Variants in OGT observed in about 807,000 individuals in gnomAD.
OGT encodes UDP-N-acetylglucosamine--peptide N-acetylglucosaminyltransferase 110 kDa subunit.
A neutral mutation model predicts 75.8 loss-of-function variants in OGT; 3 were observed. The observed-to-expected ratio is 0.04, with a 90% CI of 0.02 to 0.10. OGT has a LOEUF of 0.10. Among genes scored for constraint, OGT ranks in the 10% least tolerant of loss-of-function variants. The probability of loss-of-function intolerance (pLI) is 1.00; values close to 1 mark genes in which losing one functional copy is unlikely to be tolerated. For synonymous variants in OGT, 257 were observed against 289.7 expected, an observed-to-expected ratio of 0.89 and a Z score of 1.15; for missense variants, 260 against 824.4, an observed-to-expected ratio of 0.32 and a Z score of 8.38.
At chrX:71,543,666 A>G (rs1283070042) in intron 3 of OGT, among the ~76,000 whole-genome samples, 2 of 107,498 alleles carry the variant, frequency 1.9e-5, no homozygotes. Flanking sequence ...ACTCTGGAAA[A>G]TTTTCGGTCC....
Position 71,567,539 on chromosome X carries a change from C to G in OGT, c.2629C>G (p.Arg877Gly). 8.5e-7 allele frequency: 1 copy of G among 1,181,415 alleles called. No individual in the cohort carries two copies. The highest frequency in any genetic ancestry group is 1.1e-6 in the Non-Finnish European group (1 of 874,345). The change falls in exon 20 of 22, where the codon CGT becomes GGT. Residue 877 changes from arginine to glycine, a missense_variant. By Grantham distance (125) the Arg-to-Gly change is moderately radical. Coordinates refer to ENST00000373719, the MANE Select transcript of OGT (RefSeq NM_181672.3). ...TCCCAATAGTGTACTCTGGCTGTTG[C>G]GTTTTCCAGCAGTAGGAGAACCTAA... ...RVPNSVLWLL[R>G]FPAVGEPNIQ...
chrX:71,548,201 T>C (rs2040275501), intron 5 of OGT, among the ~76,000 whole-genome samples, 178 bp downstream of exon 5: 1 of 111,920 alleles, frequency 8.9e-6, no homozygotes, highest in East Asian at 2.8e-4. Flanking sequence ...AACTTGACAA[T>C]GGTGCAAAAG....
At chrX:71,533,911 G>A (rs1323216594) in intron 1 of OGT, among the ~76,000 whole-genome samples, 1 of 111,767 alleles carries the variant, frequency 8.9e-6, no homozygotes, top group Non-Finnish European at 1.9e-5. Flanking sequence ...AGGGGACATT[G>A]AGCAGCACCC....
chrX:71,538,192 T>A, intron 3 of OGT, 120 bp downstream of exon 3: 1 of 792,466 alleles, frequency 1.3e-6, no homozygotes, highest in Non-Finnish European at 1.8e-6. Flanking sequence ...TAGAAATGCG[T>A]ATGTACTTAA....
chrX:71,561,725 C>G lies in OGT; in HGVS notation c.1852-50C>G, dbSNP rs35924897. ...CCATTAAAACTAAATGTCATTAAAA[C>G]TAATTGATCTGAGATTATACATAGT... On this transcript the variant is annotated intron_variant, in intron 14 of 21. Coordinates refer to ENST00000373719, the MANE Select transcript of OGT (RefSeq NM_181672.3). 3.1e-3 allele frequency: 3,264 copies of G among 1,045,647 alleles called. 13 individuals are homozygous for G. The highest frequency in any genetic ancestry group is 0.016 in the South Asian group (648 of 39,823). 86.2% of individuals were successfully genotyped at this position (1,045,647 alleles called of 1,213,427 possible).
chrX:71,561,849 T>C lies in OGT; in HGVS notation c.1926T>C (p.Tyr642=). 8.3e-7 allele frequency: 1 copy of C among 1,207,215 alleles called. No homozygotes were observed. The highest frequency in any genetic ancestry group is 1.1e-6 in the Non-Finnish European group (1 of 893,277). Reference sequence around the variant, plus strand: ...ATATCCTTGTAAATATGAATGGCTATACTAAGGGCGCTCGAAATGAGCTTT... The same window carrying C: ...ATATCCTTGTAAATATGAATGGCTACACTAAGGGCGCTCGAAATGAGCTTT... ...GIHILVNMNG[Y]TKGARNELFA... is the part of the protein sequence containing the mutation. The change falls in exon 15 of 22, where the codon TAT becomes TAC. Residue 642 remains tyrosine, a synonymous_variant. Transcript: ENST00000373719.
Position 71,547,996 on chromosome X carries a change from T to C in OGT, c.621T>C (p.Ile207=). ...GTGTTTTCAATGCACAAGGGGAAAT[T>C]TGGCTTGCAATTCATCACTTTGAAA... ...LGCVFNAQGE[I]WLAIHHFEKA... Residue 207 remains isoleucine (I), a synonymous_variant, in exon 5 of 22, where the codon ATT becomes ATC. Coordinates refer to ENST00000373719, the MANE Select transcript of OGT (RefSeq NM_181672.3). 8.3e-7 allele frequency: 1 copy of C among 1,210,609 alleles called. No homozygotes were observed. Among genetic ancestry groups the C allele is most frequent in the Non-Finnish European group, 1.1e-6 (1 of 895,048 alleles).
chrX:71,548,640 C>G (rs770979675), intron 5 of OGT, among the ~76,000 whole-genome samples: 3 of 111,519 alleles, frequency 2.7e-5, no homozygotes, highest in Non-Finnish European at 5.7e-5. Context: ...AGTTTATTAT[C>G]TTAAGTGAAT....
At chrX:71,566,053 A>G (rs2040414567) in intron 19 of OGT, among the ~76,000 whole-genome samples, 1 of 112,403 alleles carries the variant, frequency 8.9e-6, no homozygotes, top group Non-Finnish European at 1.9e-5. Context: ...ATAGAACTAA[A>G]ATAAAATGGC....
intron 4 of OGT, chrX:71,547,365 G>A: frequency 1.3e-5 from 9 of 689,913 alleles, no homozygotes; most frequent in Non-Finnish European, 1.6e-5. Flanking sequence ...ACTAAGTTCA[G>A]GGAACCCTGT....
chrX:71,556,976 C>G lies in OGT; in HGVS notation c.1191C>G (p.Ala397=). 8.3e-7 allele frequency: 1 copy of G among 1,209,891 alleles called. No homozygotes were observed. Among genetic ancestry groups the G allele is most frequent in the Non-Finnish European group, 1.1e-6 (1 of 894,156 alleles). The change falls in exon 10 of 22, where the codon GCC becomes GCG. Residue 397 remains alanine (A), a synonymous_variant. Transcript: ENST00000373719. ...AIRISPTFAD[A]YSNMGNTLKE... ...GAATCAGTCCTACCTTTGCTGATGC[C>G]TACTCTAATATGGGAAACACTCTAA...
intron 19 of OGT, among the ~76,000 whole-genome samples, chrX:71,565,153 C>G (rs2040408328): frequency 8.9e-6 from 1 of 111,949 alleles, no homozygotes; most frequent in South Asian, 3.7e-4. Flanking sequence ...GAGCAAACCT[C>G]CATCTCAAAA....
intron 21 of OGT, among the ~76,000 whole-genome samples, chrX:71,569,637 T>C (rs1299659779): frequency 1.8e-5 from 2 of 111,184 alleles, no homozygotes; most frequent in Non-Finnish European, 3.8e-5. Flanking sequence ...ACCATAGGAC[T>C]ATAGGTACAT....
intron 4 of OGT, chrX:71,546,838 C>T (rs2040262984): frequency 1.3e-6 from 1 of 754,564 alleles, no homozygotes; most frequent in Non-Finnish European, 1.6e-6. Context: ...GCGAATGAAC[C>T]CCTGTGAACG....
intron 3 of OGT, among the ~76,000 whole-genome samples, chrX:71,538,894 CTGTG>C (rs1298529208): frequency 1.1e-4 from 12 of 111,970 alleles, no homozygotes; most frequent in Non-Finnish European, 2.1e-4. Context: ...TACTGAAAGT[CTGTG>C]TGGTCAGACA....
At position 71,567,520 on chromosome X, in the gene OGT, T is replaced by G. The variant is rs768970412; in HGVS notation, c.2610T>G (p.Asn870Lys). ...MWANILKRVPNSVLWLLRFPA... is the reference protein window; with the variant it reads ...MWANILKRVPKSVLWLLRFPA... ...TTTAGATTCTGAAGCGTGTTCCCAATAGTGTACTCTGGCTGTTGCGTTTTC... is the reference window on the plus strand; with the variant it reads ...TTTAGATTCTGAAGCGTGTTCCCAAGAGTGTACTCTGGCTGTTGCGTTTTC... The change falls in exon 20 of 22, where the codon AAT becomes AAG. Residue 870 changes from asparagine to lysine, a missense_variant. Transcript: ENST00000373719. 1 of 1,168,644 alleles carries G rather than the reference T, an allele frequency of 8.6e-7. No individual in the cohort carries two copies. Among genetic ancestry groups the G allele is most frequent in the South Asian group, 2.0e-5 (1 of 49,630 alleles).
intron 19 of OGT, 150 bp from the exon 20 acceptor site, chrX:71,567,350 C>T (rs2040423268): frequency 5.1e-6 from 2 of 390,964 alleles, no homozygotes; most frequent in Non-Finnish European, 8.5e-6. Context: ...TGATCTCATT[C>T]ATCTCTGTGA....
Position 71,557,066 on chromosome X carries a change from A to G in OGT, c.1281A>G (p.Ala427=). Residue 427 remains alanine (A), a synonymous_variant, in exon 10 of 22, where the codon GCA becomes GCG. Transcript: ENST00000373719. The part of the protein sequence containing the change: ...CYTRAIQINP[A]FADAHSNLAS... ...CGCGTGCCATCCAAATTAATCCTGC[A>G]TTTGCAGATGCACATAGCAATCTGG... The G allele has an allele frequency of 8.3e-7, 1 of 1,211,666 alleles. No homozygotes were observed. Among genetic ancestry groups the G allele is most frequent in the Middle Eastern group, 2.3e-4 (1 of 4,356 alleles).
At chrX:71,553,385 C>T (rs1237961639) in intron 5 of OGT, among the ~76,000 whole-genome samples, 1 of 112,273 alleles carries the variant, frequency 8.9e-6, no homozygotes, top group Non-Finnish European at 1.9e-5. Flanking sequence ...TGAGCCACCG[C>T]GCCCAGCAGA....
Sources: allele counts gnomAD v4.1 joint callset (sites outside exome capture counted in the v4.1 genomes callset), GRCh38; gene constraint gnomAD v4.1.1; transcripts MANE v1.5; gene names NCBI Gene and HGNC (gene_info 2026-07-23, HGNC 2026-07-21).